RPN2: variants seen among roughly 807,000 people sequenced by gnomAD.
RPN2 encodes dolichyl-diphosphooligosaccharide--protein glycosyltransferase subunit 2.
RPN2 carries 29 observed loss-of-function variants against 71.4 expected under a neutral mutation model. That is an observed-to-expected ratio of 0.41 (90% CI 0.30 to 0.55). The LOEUF (loss-of-function observed/expected upper bound fraction) is 0.55, where lower values mean the gene tolerates loss of function less well. Among genes scored for constraint, RPN2 ranks in the 20% least tolerant of loss-of-function variants. The pLI, the probability that RPN2 is intolerant of heterozygous loss-of-function variation, is 0.35. For missense variants in RPN2, 726 were observed against 774.1 expected (o/e 0.94, Z 0.74); for synonymous variants, 308 against 305.0 (o/e 1.01, Z -0.10).
intron 9 of RPN2, among the ~76,000 whole-genome samples, chr20:37,221,184 T>G (rs1413071487): frequency 6.6e-6 from 1 of 151,236 alleles, no homozygotes; most frequent in Non-Finnish European, 1.5e-5. Flanking sequence ...CACTGAAGAC[T>G]TTACACAATT....
chr20:37,179,792 G>T (rs1446164365), intron 1 of RPN2, among the ~76,000 whole-genome samples: 1 of 152,232 alleles, frequency 6.6e-6, no homozygotes, highest in African/African-American at 2.4e-5. Context: ...AGTGAAAGGG[G>T]CAAAGAAAAC....
intron 8 of RPN2, 25 bp from the exon 9 acceptor site, chr20:37,213,735 C>A: frequency 6.4e-7 from 1 of 1,553,586 alleles, no homozygotes. Context: ...TGAGTTCTTG[C>A]TAAGCCCATT....
chr20:37,188,172 G>GTT (rs2067054781), intron 2 of RPN2, among the ~76,000 whole-genome samples: 2 of 152,022 alleles, frequency 1.3e-5, no homozygotes, highest in East Asian at 1.9e-4. Context: ...CTTTTTGTTT[G>GTT]TTTGTTTTTG....
intron 7 of RPN2, among the ~76,000 whole-genome samples, chr20:37,209,737 C>G (rs1270797102): frequency 1.3e-5 from 2 of 152,072 alleles, no homozygotes; most frequent in African/African-American, 2.4e-5. Flanking sequence ...CCTGACTCAG[C>G]CTCCCAAAGC....
chr20:37,213,773 C>A lies in RPN2; in HGVS notation c.1000C>A (p.Leu334Ile), dbSNP rs1386373100. Residue 334 changes from leucine to isoleucine, a missense_variant, in exon 9 of 17, where the codon CTA becomes ATA. Coordinates refer to ENST00000237530, the MANE Select transcript of RPN2 (RefSeq NM_002951.5). ...CATTCTTAACAGGGATGTTTTTGAA[C>A]TAAATTTCATGAACGTCAAATTTTC... ...SFTPVGDVFE[L>I]NFMNVKFSSG... 5 of 1,613,746 alleles carry A rather than the reference C, an allele frequency of 3.1e-6. No homozygotes were observed. The highest frequency in any genetic ancestry group is 4.2e-6 in the Non-Finnish European group (5 of 1,179,642).
chr20:37,185,759 C>T (rs976213085), intron 2 of RPN2, among the ~76,000 whole-genome samples: 8 of 152,192 alleles, frequency 5.3e-5, no homozygotes, highest in African/African-American at 1.9e-4. Context: ...TCCTGAGTAC[C>T]TGGGACTATG....
chr20:37,194,578 A>G (rs995073275), intron 2 of RPN2, among the ~76,000 whole-genome samples: 2 of 152,212 alleles, frequency 1.3e-5, no homozygotes, highest in Non-Finnish European at 2.9e-5. Flanking sequence ...TTGTATTTTA[A>G]AATAAGTCTT....
In RPN2 at chr20:37,220,496, A is replaced by G. The variant is rs146196682; in HGVS notation, c.1093-3382A>G. Among the ~76,000 whole-genome samples the G allele has an allele frequency of 4.5e-3, 688 of 152,252 alleles. 10 individuals are homozygous for G. The highest frequency in any genetic ancestry group is 0.03 in the East Asian group (153 of 5,174). ...ATCATTTTTGACAGTAATAAGCTAA[A>G]CAGGGGTGTTATTACTCCCAGCAGA... On this transcript the variant is annotated intron_variant, in intron 9 of 16. Transcript: ENST00000237530.
At chr20:37,222,349 A>G (rs2067980057) in intron 9 of RPN2, among the ~76,000 whole-genome samples, 1 of 152,208 alleles carries the variant, frequency 6.6e-6, no homozygotes, top group Admixed American at 6.5e-5. Flanking sequence ...CTGTGAATTC[A>G]AAAGTAGATG....
At chr20:37,209,493 C>T (rs1459153662) in intron 7 of RPN2, among the ~76,000 whole-genome samples, 1 of 149,458 alleles carries the variant, frequency 6.7e-6, no homozygotes, top group African/African-American at 2.5e-5. Flanking sequence ...TTTTCAGAGA[C>T]AGGGTTTCCC....
chr20:37,227,910 A>G (rs545440965), intron 11 of RPN2, among the ~76,000 whole-genome samples: 15 of 152,230 alleles, frequency 9.9e-5, no homozygotes, highest in Non-Finnish European at 2.1e-4. Context: ...GGTATTGCAA[A>G]TCTTCACACA....
chr20:37,199,321 A>C, intron 4 of RPN2, 96 bp downstream of exon 4: 1 of 1,454,186 alleles, frequency 6.9e-7, no homozygotes, highest in Non-Finnish European at 9.4e-7. Context: ...TTTCTGGGCA[A>C]GTACTTGCAG....
At chr20:37,213,028 A>G (rs6032078) in intron 8 of RPN2, among the ~76,000 whole-genome samples, 4,977 of 148,740 alleles carry the variant, frequency 0.033, 107 homozygotes, top group African/African-American at 0.049. Context: ...TAAAAGTAAG[A>G]TATGTCCTTT....
chr20:37,180,149 G>A (rs1047752926), intron 1 of RPN2, among the ~76,000 whole-genome samples: 4 of 152,184 alleles, frequency 2.6e-5, no homozygotes, highest in Non-Finnish European at 5.9e-5. Flanking sequence ...ACTACCATTT[G>A]ACAGATGAGA....
rs145802754 is a variant in RPN2, at chr20:37,204,837, C to T, written c.626C>T (p.Ala209Val). Residue 209 changes from alanine (A) to valine (V), a missense_variant, in exon 6 of 17, where the codon GCG (alanine) becomes GTG (valine). Transcript: ENST00000237530. ...LQFEEGLETT[A>V]LFVAATYKLM... Reference sequence around the variant, plus strand: ...TTTGAAGAAGGACTGGAAACAACAGCGTTATTTGTGGCTGCCACCTACAAG... The same window carrying T: ...TTTGAAGAAGGACTGGAAACAACAGTGTTATTTGTGGCTGCCACCTACAAG... 19 of 1,613,976 alleles carry T rather than the reference C, an allele frequency of 1.2e-5. No individual in the cohort carries two copies. Among genetic ancestry groups the T allele is most frequent in the Non-Finnish European group, 1.6e-5 (19 of 1,180,028 alleles).
At position 37,203,878 on chromosome 20, in the gene RPN2, C is replaced by T; in HGVS notation, c.480-7C>T. 1 of 1,611,326 alleles carries T rather than the reference C, an allele frequency of 6.2e-7. No individual in the cohort carries two copies. The highest frequency in any genetic ancestry group is 8.5e-7 in the Non-Finnish European group (1 of 1,177,440). On this transcript the variant is annotated splice_region_variant and splice_polypyrimidine_tract_variant and intron_variant, in intron 4 of 16. Coordinates refer to ENST00000237530, the MANE Select transcript of RPN2 (RefSeq NM_002951.5). ...CATTCATTGGGGTTCTACTCTTTAC[C>T]TTCCAGAACAGTCCAGGCTCTGCAG...
At chr20:37,216,686 T>G (rs2067813461) in intron 9 of RPN2, among the ~76,000 whole-genome samples, 1 of 152,074 alleles carries the variant, frequency 6.6e-6, no homozygotes, top group African/African-American at 2.4e-5. Context: ...GGTCTCCAAC[T>G]TTTGGCCTCA....
At chr20:37,217,189 C>T (rs923037235) in intron 9 of RPN2, among the ~76,000 whole-genome samples, 5 of 151,988 alleles carry the variant, frequency 3.3e-5, no homozygotes, top group African/African-American at 1.2e-4. Flanking sequence ...ACCTTTGCCT[C>T]CCAAAGTAGT....
At chr20:37,204,727 G>A (rs1568975814) in intron 5 of RPN2, 40 bp from the exon 6 acceptor site, 2 of 1,613,702 alleles carry the variant, frequency 1.2e-6, no homozygotes, top group African/African-American at 1.3e-5. Context: ...CATTTCTGCT[G>A]TTACTTGACA....
Sources: gnomAD v4.1 joint callset for allele counts (sites outside exome capture counted in the v4.1 genomes callset) on GRCh38, gnomAD v4.1.1 for gene constraint, MANE v1.5 for transcripts, NCBI Gene and HGNC (gene_info 2026-07-23, HGNC 2026-07-21) for gene names.